The following PDIA5 variants were observed in gnomAD, a reference collection of about 807,000 sequenced individuals.
PDIA5 encodes the protein protein disulfide isomerase family A member 5.
PDIA5 carries 58 observed loss-of-function variants against 77.6 expected under a neutral mutation model. The observed-to-expected ratio is 0.75, with a 90% CI of 0.61 to 0.93. PDIA5 has a LOEUF of 0.93. Among genes scored for constraint, PDIA5 ranks in the 40% least tolerant of loss-of-function variants. PDIA5 has a pLI of 0.00. For missense variants in PDIA5, 630 were observed against 647.7 expected, an observed-to-expected ratio of 0.97 and a Z score of 0.30; for synonymous variants, 250 against 252.1, an observed-to-expected ratio of 0.99 and a Z score of 0.08.
intron 1 of PDIA5, among the ~76,000 whole-genome samples, chr3:123,078,988 T>C (rs183017353): frequency 6.6e-6 from 1 of 152,236 alleles, no homozygotes; most frequent in East Asian, 1.9e-4. Context: ...AGTTAATTAT[T>C]TTCATAATGG....
At chr3:123,130,908 G>A (rs1217282506) in intron 11 of PDIA5, among the ~76,000 whole-genome samples, 1 of 152,164 alleles carries the variant, frequency 6.6e-6, no homozygotes, top group East Asian at 1.9e-4. Context: ...CTCCCAGTCA[G>A]CATGAATTGG....
intron 15 of PDIA5, among the ~76,000 whole-genome samples, chr3:123,159,694 G>A (rs1434641388): frequency 2.6e-5 from 4 of 152,228 alleles, no homozygotes; most frequent in African/African-American, 7.2e-5. Flanking sequence ...CAGATTGCAG[G>A]CAGCAAGTTT....
At chr3:123,083,252 G>A (rs1352515996) in intron 1 of PDIA5, among the ~76,000 whole-genome samples, 4 of 152,102 alleles carry the variant, frequency 2.6e-5, no homozygotes, top group Non-Finnish European at 5.9e-5. Context: ...GAGGGGGTTT[G>A]GAGGTTAGAG....
Position 123,130,598 on chromosome 3 carries a change from G to C in PDIA5, c.892G>C (p.Val298Leu), listed in dbSNP as rs547769309. 1.2e-6 allele frequency: 2 copies of C among 1,614,042 alleles called. No homozygotes were observed. The highest frequency in any genetic ancestry group is 1.7e-5 in the Admixed American group (1 of 60,012). Residue 298 changes from valine (V) to leucine (L), a missense_variant, in exon 11 of 17, where the codon GTC becomes CTC. Transcript: ENST00000316218. ...QFVKEHSSVL[V>L]MFHAPWCGHC... ...TGTGAAGGAACACTCCTCTGTCCTCGTCATGTTCCACGCCCCATGTGAGTG... is the reference window on the plus strand; with the variant it reads ...TGTGAAGGAACACTCCTCTGTCCTCCTCATGTTCCACGCCCCATGTGAGTG...
chr3:123,116,499 G>A (rs1486561494), intron 8 of PDIA5, among the ~76,000 whole-genome samples: 1 of 152,242 alleles, frequency 6.6e-6, no homozygotes, highest in Non-Finnish European at 1.5e-5. Context: ...AAGTTGCTGG[G>A]ACCAGGAGAG....
chr3:123,095,326 G>A (rs1282519242), intron 3 of PDIA5, among the ~76,000 whole-genome samples: 1 of 152,178 alleles, frequency 6.6e-6, no homozygotes, highest in Admixed American at 6.5e-5. Flanking sequence ...GGGAGAAGTG[G>A]TATGCTTGTT....
At chr3:123,095,688 G>A (rs1193142279) in intron 3 of PDIA5, among the ~76,000 whole-genome samples, 1 of 150,462 alleles carries the variant, frequency 6.6e-6, no homozygotes, top group Admixed American at 6.7e-5. Flanking sequence ...GGTGGAGGTT[G>A]CAGTGAGCCG....
intron 3 of PDIA5, among the ~76,000 whole-genome samples, chr3:123,096,977 T>C (rs910970021): frequency 3.3e-5 from 5 of 152,198 alleles, no homozygotes; most frequent in Non-Finnish European, 7.3e-5. Context: ...TCCTATCAGG[T>C]GCTTGCTACT....
At chr3:123,109,193 G>T (rs748552829) in intron 6 of PDIA5, among the ~76,000 whole-genome samples, 4 of 152,140 alleles carry the variant, frequency 2.6e-5, no homozygotes, top group Admixed American at 2.6e-4. Flanking sequence ...AAGTATAGCT[G>T]GTTCTCTGCT....
chr3:123,073,103 T>C (rs894763601), intron 1 of PDIA5, among the ~76,000 whole-genome samples: 8 of 152,360 alleles, frequency 5.3e-5, no homozygotes, highest in African/African-American at 1.9e-4. Context: ...GTTGGCAGAA[T>C]TGTCAAATCG....
chr3:123,130,657 C>A, intron 11 of PDIA5, 41 bp downstream of exon 11: 1 of 1,608,256 alleles, frequency 6.2e-7, no homozygotes, highest in Non-Finnish European at 8.5e-7. Flanking sequence ...ACCCTCCCCT[C>A]TCTCAGAGTA....
chr3:123,113,946 G>A (rs1283886633), intron 7 of PDIA5, among the ~76,000 whole-genome samples: 1 of 152,238 alleles, frequency 6.6e-6, no homozygotes, highest in Non-Finnish European at 1.5e-5. Flanking sequence ...AGTGGAATCA[G>A]CTGGAAGATA....
At chr3:123,101,582 G>A (rs1934598058) in intron 3 of PDIA5, among the ~76,000 whole-genome samples, 1 of 152,178 alleles carries the variant, frequency 6.6e-6, no homozygotes, top group African/African-American at 2.4e-5. Flanking sequence ...CAACATGGTA[G>A]CATGTTTTCC....
intron 7 of PDIA5, among the ~76,000 whole-genome samples, chr3:123,111,899 C>A (rs371404031): frequency 1.3e-5 from 2 of 152,186 alleles, no homozygotes; most frequent in African/African-American, 4.8e-5. Flanking sequence ...ATTGGTTCTA[C>A]GTACTGCTTC....
chr3:123,118,527 C>T (rs1370350318), intron 8 of PDIA5, among the ~76,000 whole-genome samples: 2 of 152,152 alleles, frequency 1.3e-5, no homozygotes, highest in Non-Finnish European at 2.9e-5. Context: ...GGGCCATTCT[C>T]AGCCAATGCT....
chr3:123,110,996 A>T lies in PDIA5; in HGVS notation c.533A>T (p.Tyr178Phe). Residue 178 changes from tyrosine to phenylalanine, a missense_variant, in exon 7 of 17, where the codon TAT becomes TTT. Physicochemically the swap from Tyr to Phe is conservative, Grantham distance 22. Coordinates refer to ENST00000316218, the MANE Select transcript of PDIA5 (RefSeq NM_006810.4). ...GAGAAGCCGCTCCTGATCATGTTTTATGCCCCCTGTGAGTGAACTTTCTCC... is the reference window on the plus strand; with the variant it reads ...GAGAAGCCGCTCCTGATCATGTTTTTTGCCCCCTGTGAGTGAACTTTCTCC... ...KEEKPLLIMFYAPWCSMCKRM... is the reference protein window; with the variant it reads ...KEEKPLLIMFFAPWCSMCKRM... The T allele has an allele frequency of 6.2e-7, 1 of 1,609,906 alleles. No individual in the cohort carries two copies. Among genetic ancestry groups the T allele is most frequent in the African/African-American group, 1.3e-5 (1 of 74,152 alleles).
chr3:123,157,904 C>A (rs1004099187), intron 15 of PDIA5, among the ~76,000 whole-genome samples: 1 of 152,182 alleles, frequency 6.6e-6, no homozygotes, highest in Non-Finnish European at 1.5e-5. Context: ...CACTGCACGT[C>A]AAGGTGTGCA....
At chr3:123,071,811 T>A (rs1169799146) in intron 1 of PDIA5, among the ~76,000 whole-genome samples, 1 of 152,038 alleles carries the variant, frequency 6.6e-6, no homozygotes, top group Non-Finnish European at 1.5e-5. Flanking sequence ...GGCTGTAGTG[T>A]CCCCAGCACC....
chr3:123,101,955 G>A (rs1348667793), intron 3 of PDIA5, among the ~76,000 whole-genome samples: 1 of 100,474 alleles, frequency 1.0e-5, no homozygotes, highest in African/African-American at 3.6e-5. Flanking sequence ...TGTTGCTCAG[G>A]CTGGAGTGCA....
Sources: gnomAD v4.1 joint callset for allele counts (sites outside exome capture counted in the v4.1 genomes callset) on GRCh38, gnomAD v4.1.1 for gene constraint, MANE v1.5 for transcripts, NCBI Gene and HGNC (gene_info 2026-07-23, HGNC 2026-07-21) for gene names.